Variants in ADCY5 observed in about 807,000 individuals in gnomAD.
ADCY5 encodes the protein adenylate cyclase type 5.
ADCY5 carries 30 observed loss-of-function variants against 119.7 expected under a neutral mutation model. The observed-to-expected ratio is 0.25, with a 90% CI of 0.19 to 0.34. The LOEUF (loss-of-function observed/expected upper bound fraction) is 0.34. Ranked by LOEUF, ADCY5 falls within the 10% of genes least tolerant of loss-of-function variation. The pLI, the probability that ADCY5 is intolerant of heterozygous loss-of-function variation, is 1.00. For synonymous variants in ADCY5, 753 were observed against 762.2 expected, an observed-to-expected ratio of 0.99 and a Z score of 0.20; for missense variants, 1,324 against 1,775.2, an observed-to-expected ratio of 0.75 and a Z score of 4.57.
At chr3:123,416,126 G>A (rs1945179248) in intron 1 of ADCY5, 3 of 1,528,448 alleles carry the variant, frequency 2.0e-6, no homozygotes, top group Non-Finnish European at 2.6e-6. Context: ...AAAGGAGAAG[G>A]AGAATCAGCA....
In ADCY5 at chr3:123,284,246, C is replaced by G. The variant is rs1310917746; in HGVS notation, c.*362G>C. The G allele has an allele frequency of 9.8e-6, 2 of 203,056 alleles. No individual in the cohort carries two copies. Among genetic ancestry groups the G allele is most frequent in the East Asian group, 2.6e-4 (2 of 7,766 alleles). The allele number at this position is 203,056 out of a possible 1,614,324, so 12.6% of individuals were successfully genotyped here. A position where few individuals can be genotyped will look rare whatever the true frequency, so the allele number is the denominator to read the frequency against. ...CGAGCCCGTCTACCCCCAGCTGAGT[C>G]GGAGGCCCCTCAGCCCTGCCCTTGT... is the stretch of plus-strand genomic sequence containing the variant. On this transcript the variant is annotated 3_prime_UTR_variant, in exon 21 of 21. Transcript: ENST00000462833.
chr3:123,298,848 C>CTTTTTTT (rs1939672667), intron 15 of ADCY5, among the ~76,000 whole-genome samples: 1 of 2,588 alleles, frequency 3.9e-4, no homozygotes, highest in African/African-American at 1.4e-3. Context: ...TTTTTTTTTG[C>CTTTTTTT]ACTTCTTGGT....
At chr3:123,392,007 T>C (rs775235076) in intron 1 of ADCY5, among the ~76,000 whole-genome samples, 38 of 152,254 alleles carry the variant, frequency 2.5e-4, no homozygotes, top group Non-Finnish European at 4.0e-4. Context: ...ACTCTGGCAG[T>C]AGGGGCAGAG....
chr3:123,327,784 G>A (rs2108385532), intron 6 of ADCY5, 25 bp from the exon 7 acceptor site: 2 of 1,612,072 alleles, frequency 1.2e-6, no homozygotes, highest in South Asian at 2.2e-5. Context: ...GGATCAGGGT[G>A]GAGAGGGCAG....
intron 1 of ADCY5, among the ~76,000 whole-genome samples, chr3:123,396,016 G>A (rs1411307175): frequency 3.1e-5 from 4 of 127,426 alleles, no homozygotes; most frequent in African/African-American, 9.1e-5. Flanking sequence ...GAGAGAAAGA[G>A]AGAGGGAGGG....
At chr3:123,441,895 G>A (rs1945728383) in intron 1 of ADCY5, among the ~76,000 whole-genome samples, 3 of 149,730 alleles carry the variant, frequency 2.0e-5, no homozygotes, top group African/African-American at 4.9e-5. Context: ...CTCACTGTCC[G>A]CTAACTAGAA....
At chr3:123,391,668 G>C (rs961665626) in intron 1 of ADCY5, among the ~76,000 whole-genome samples, 4 of 152,136 alleles carry the variant, frequency 2.6e-5, no homozygotes, top group South Asian at 2.1e-4. Flanking sequence ...CCAAGCAATG[G>C]GCTTAGCTTT....
chr3:123,305,138 G>C (rs1940131265), intron 12 of ADCY5, among the ~76,000 whole-genome samples: 1 of 152,190 alleles, frequency 6.6e-6, no homozygotes, highest in Non-Finnish European at 1.5e-5. Flanking sequence ...TCCTGAGCAA[G>C]CCGCATCCCA....
At chr3:123,430,625 G>A (rs1226832807) in intron 1 of ADCY5, among the ~76,000 whole-genome samples, 1 of 152,204 alleles carries the variant, frequency 6.6e-6, no homozygotes, top group East Asian at 1.9e-4. Context: ...TTAAAAATAA[G>A]TGTAAAGCAA....
At chr3:123,378,267 T>C (rs1351004457) in intron 1 of ADCY5, among the ~76,000 whole-genome samples, 3 of 152,118 alleles carry the variant, frequency 2.0e-5, no homozygotes, top group Non-Finnish European at 4.4e-5. Context: ...ATGGGTCTAG[T>C]GTCCAGGATC....
chr3:123,417,103 C>T (rs551038028), intron 1 of ADCY5, among the ~76,000 whole-genome samples: 3 of 152,170 alleles, frequency 2.0e-5, no homozygotes, highest in South Asian at 4.2e-4. Context: ...CCTGAGCAGA[C>T]GAATAGCTCC....
At chr3:123,367,644 G>A (rs1272238796) in intron 1 of ADCY5, among the ~76,000 whole-genome samples, 1 of 151,758 alleles carries the variant, frequency 6.6e-6, no homozygotes, top group East Asian at 1.9e-4. Flanking sequence ...GTGGAGGGAG[G>A]GGGCTGACGA....
intron 1 of ADCY5, among the ~76,000 whole-genome samples, chr3:123,440,520 T>C (rs1325011079): frequency 1.3e-5 from 2 of 150,988 alleles, no homozygotes; most frequent in African/African-American, 4.9e-5. Context: ...CTACCCCCAC[T>C]TCCAAGTCCT....
chr3:123,343,694 T>C (rs1466107657), intron 3 of ADCY5, among the ~76,000 whole-genome samples: 1 of 152,068 alleles, frequency 6.6e-6, no homozygotes, highest in Non-Finnish European at 1.5e-5. Context: ...CCAGAGGCCC[T>C]TGTCCCTCCC....
rs769165305 is a variant in ADCY5 at position 123,304,175 on chromosome 3, G to C, written c.2451C>G (p.Pro817=). The change falls in exon 13 of 21, where the codon CCC becomes CCG. Residue 817 remains proline, a synonymous_variant. Coordinates refer to ENST00000462833, the MANE Select transcript of ADCY5 (RefSeq NM_183357.3). ...SVIYSCVKLF[P]SPLQTLSRKI... is the part of the protein sequence containing the mutation. ...TCCTGGAGAGGGTCTGCAGTGGGGA[G>C]GGGAAGAGCTAGGGTGGGGGCAGGG... The C allele has an allele frequency of 8.1e-6, 13 of 1,603,340 alleles. No individual in the cohort carries two copies. In the South Asian group the frequency reaches 1.4e-4, roughly 18 times the overall value.
chr3:123,413,346 AG>A (rs1178353893), intron 1 of ADCY5, among the ~76,000 whole-genome samples: 9 of 152,248 alleles, frequency 5.9e-5, no homozygotes, highest in Admixed American at 2.0e-4. Flanking sequence ...CCATGAGCTC[AG>A]GCCCCTGGGT....
chr3:123,292,725 G>A (rs1939233724), intron 17 of ADCY5, among the ~76,000 whole-genome samples: 1 of 152,074 alleles, frequency 6.6e-6, no homozygotes, highest in Non-Finnish European at 1.5e-5. Flanking sequence ...GGGGTGGGGG[G>A]TAGGGGGCAT....
intron 18 of ADCY5, among the ~76,000 whole-genome samples, chr3:123,290,511 G>T (rs1939081023): frequency 6.6e-6 from 1 of 152,324 alleles, no homozygotes; most frequent in East Asian, 1.9e-4. Context: ...CATGACTCAG[G>T]AGCTCCCAGG....
chr3:123,347,653 T>C, intron 3 of ADCY5, 129 bp downstream of exon 3: 9 of 1,232,658 alleles, frequency 7.3e-6, no homozygotes, highest in Non-Finnish European at 9.3e-6. Flanking sequence ...GCTGGCATGC[T>C]CTAGATGACA....
Sources: allele counts gnomAD v4.1 joint callset (sites outside exome capture counted in the v4.1 genomes callset), GRCh38; gene constraint gnomAD v4.1.1; transcripts MANE v1.5; gene names NCBI Gene and HGNC (gene_info 2026-07-23, HGNC 2026-07-21).